EPHB1: variants seen among roughly 807,000 people sequenced by gnomAD.
The protein encoded by EPHB1 is ephrin type-B receptor 1.
A neutral mutation model predicts 94.4 loss-of-function variants in EPHB1; 30 were observed. The observed-to-expected ratio is 0.32, with a 90% CI of 0.24 to 0.43. The LOEUF (loss-of-function observed/expected upper bound fraction) is 0.43, where lower values mean the gene tolerates loss of function less well. Ranked by LOEUF, EPHB1 falls within the 20% of genes least tolerant of loss-of-function variation. The pLI is 1.00. For synonymous variants in EPHB1, 522 were observed against 489.1 expected, an observed-to-expected ratio of 1.07 and a Z score of -0.89; for missense variants, 1,055 against 1,308.3, an observed-to-expected ratio of 0.81 and a Z score of 2.99.
chr3:135,249,314 C>A, intron 14 of EPHB1, 22 bp from the exon 15 acceptor site: 1 of 1,599,662 alleles, frequency 6.3e-7, no homozygotes. Context: ...GTGTGGTCAC[C>A]TGCCCATCTC....
intron 3 of EPHB1, among the ~76,000 whole-genome samples, chr3:135,079,393 C>G (rs1938077896): frequency 6.6e-6 from 1 of 152,172 alleles, no homozygotes; most frequent in African/African-American, 2.4e-5. Flanking sequence ...GGCCCATACC[C>G]TTCCTCAAAA....
intron 4 of EPHB1, among the ~76,000 whole-genome samples, chr3:135,129,680 G>A (rs1011957331): frequency 1.3e-5 from 2 of 152,154 alleles, no homozygotes. Flanking sequence ...ATGCAATGAT[G>A]GAATCTGACT....
In EPHB1 at chr3:135,204,881, CTTTTTTTTTT is replaced by C. The variant is rs71624063; in HGVS notation, c.2346+3209_2346+3218del. Among the ~76,000 whole-genome samples, 5 of 73,910 alleles carry C rather than the reference CTTTTTTTTTT, an allele frequency of 6.8e-5. No individual in the cohort carries two copies. In the South Asian group the frequency reaches 3.1e-3, roughly 46 times the overall value. 48.5% of individuals were successfully genotyped at this position (73,910 alleles called of 152,430 possible). ...TTGCTATCAAATACTAGGTTTTATT[CTTTTTTTTTT>C]TTTTTTTTTTTTTTTTGGTATTTAA... On this transcript the variant is annotated intron_variant, in intron 12 of 15. Coordinates refer to ENST00000398015, the MANE Select transcript of EPHB1 (RefSeq NM_004441.5).
At chr3:134,812,513 A>G (rs1339403800) in intron 1 of EPHB1, among the ~76,000 whole-genome samples, 2 of 152,234 alleles carry the variant, frequency 1.3e-5, no homozygotes, top group Non-Finnish European at 2.9e-5. Context: ...TCCATTTCAC[A>G]GTTGGTGGAC....
Position 134,951,960 on chromosome 3 carries a change from T to C in EPHB1, c.713T>C (p.Leu238Pro). The change falls in exon 3 of 16, where the codon CTC becomes CCC. Residue 238 changes from leucine (L) to proline (P), a missense_variant. Transcript: ENST00000398015. This position sits in a 1 kb window ranked among gnomAD's most constrained non-coding sequence, Gnocchi z 4.5. ...GAGGAAGTGGACGTGCCCATCAAAC[T>C]CTACTGCAACGGGGATGGGGAATGG... ...NAEEVDVPIK[L>P]YCNGDGEWMV... The C allele has an allele frequency of 6.2e-7, 1 of 1,614,016 alleles. No homozygotes were observed. Among genetic ancestry groups the C allele is most frequent in the Non-Finnish European group, 8.5e-7 (1 of 1,179,896 alleles).
intron 3 of EPHB1, among the ~76,000 whole-genome samples, chr3:135,037,319 C>G (rs996370071): frequency 6.6e-6 from 1 of 152,206 alleles, no homozygotes; most frequent in Admixed American, 6.5e-5. Context: ...TGATAGAATG[C>G]TCCCTGGTCT....
chr3:134,977,676 C>T (rs778123029), intron 3 of EPHB1, among the ~76,000 whole-genome samples: 17 of 152,224 alleles, frequency 1.1e-4, no homozygotes, highest in South Asian at 2.1e-4. Flanking sequence ...TTGTTTTCTG[C>T]GACTTTCCCT....
chr3:135,102,304 A>T (rs938805837), intron 3 of EPHB1, among the ~76,000 whole-genome samples: 2 of 152,154 alleles, frequency 1.3e-5, no homozygotes, highest in African/African-American at 2.4e-5. Flanking sequence ...TTATATTCTC[A>T]AGTGACTGAC....
chr3:134,802,992 T>C (rs187493539), intron 1 of EPHB1, among the ~76,000 whole-genome samples: 72 of 152,282 alleles, frequency 4.7e-4, no homozygotes, highest in Non-Finnish European at 1.8e-4. Flanking sequence ...GAAGGTCCTG[T>C]TTCCCCCTCC....
intron 10 of EPHB1, among the ~76,000 whole-genome samples, chr3:135,190,021 G>A (rs976659175): frequency 5.9e-5 from 9 of 152,196 alleles, no homozygotes; most frequent in African/African-American, 2.2e-4. Context: ...TCATATCTAT[G>A]TAGCTTTATT....
chr3:134,811,256 T>TTTTTTTTTTTTTTTG (rs1553853019), intron 1 of EPHB1, among the ~76,000 whole-genome samples: 1 of 134,866 alleles, frequency 7.4e-6, no homozygotes, highest in African/African-American at 2.7e-5. Context: ...TTTTTTTTTT[T>TTTTTTTTTTTTTTTG]TTTTTTTCTG....
At chr3:135,060,086 TATTATCCA>T (rs1477797704) in intron 3 of EPHB1, among the ~76,000 whole-genome samples, 2 of 152,258 alleles carry the variant, frequency 1.3e-5, no homozygotes, top group African/African-American at 2.4e-5. Flanking sequence ...TGCTTTTTAG[TATTATCCA>T]CAAAGCTGCG....
intron 15 of EPHB1, among the ~76,000 whole-genome samples, chr3:135,254,756 T>A (rs886838255): frequency 1.3e-5 from 2 of 152,118 alleles, no homozygotes; most frequent in Non-Finnish European, 2.9e-5. Context: ...GGATTCCCTC[T>A]TTTTCTATTG....
chr3:135,012,004 A>T (rs1935635449), intron 3 of EPHB1, among the ~76,000 whole-genome samples: 5 of 152,154 alleles, frequency 3.3e-5, no homozygotes, highest in Admixed American at 3.3e-4. Context: ...TGATTTTCAT[A>T]TTCTTTCCTT....
intron 1 of EPHB1, among the ~76,000 whole-genome samples, chr3:134,858,493 A>G (rs2037173670): frequency 6.6e-6 from 1 of 152,044 alleles, no homozygotes; most frequent in South Asian, 2.1e-4. Flanking sequence ...CAGGGAAGTG[A>G]TGGTGTGTTT....
chr3:135,130,607 G>A (rs543974336), intron 4 of EPHB1, among the ~76,000 whole-genome samples: 4 of 152,316 alleles, frequency 2.6e-5, no homozygotes, highest in African/African-American at 9.6e-5. Flanking sequence ...AGTCAGTGGG[G>A]AGAGTGTAGC....
chr3:135,208,186 G>C (rs936174057), intron 12 of EPHB1, among the ~76,000 whole-genome samples: 1 of 152,142 alleles, frequency 6.6e-6, no homozygotes, highest in East Asian at 1.9e-4. Context: ...TGGAGATTTA[G>C]GGAGGAAGCA....
intron 1 of EPHB1, among the ~76,000 whole-genome samples, chr3:134,910,086 A>G (rs1337994792): frequency 6.6e-6 from 1 of 152,218 alleles, no homozygotes; most frequent in Non-Finnish European, 1.5e-5. Flanking sequence ...GAATGATTCC[A>G]TAAAATGTTT....
chr3:135,206,614 C>A (rs1296992660), intron 12 of EPHB1, among the ~76,000 whole-genome samples: 1 of 152,194 alleles, frequency 6.6e-6, no homozygotes, highest in South Asian at 2.1e-4. Context: ...CTTTGGGAGG[C>A]CGAGGTGGGT....
Sources: gnomAD v4.1 joint callset for allele counts (sites outside exome capture counted in the v4.1 genomes callset) on GRCh38, gnomAD v4.1.1 for gene constraint, Gnocchi (gnomAD v3.1) non-coding constraint, MANE v1.5 for transcripts, NCBI Gene and HGNC (gene_info 2026-07-23, HGNC 2026-07-21) for gene names.